Variants in PDE3B observed in about 807,000 individuals in gnomAD.
The protein encoded by PDE3B is phosphodiesterase 3B, also known as cGMP-inhibited 3',5'-cyclic phosphodiesterase 3B.
Under a neutral mutation model 116.8 loss-of-function variants are expected in PDE3B, and 66 were observed. The observed-to-expected ratio is 0.56, with a 90% CI of 0.46 to 0.69. The LOEUF is 0.69. PDE3B is among the 30% of genes least tolerant of loss of function. The pLI is 0.00. For synonymous variants in PDE3B, 595 were observed against 533.6 expected (o/e 1.12, Z -1.59); for missense variants, 1,384 against 1,368.1 (o/e 1.01, Z -0.18).
intron 15 of PDE3B, among the ~76,000 whole-genome samples, chr11:14,868,516 C>G (rs370860862): frequency 4.6e-5 from 7 of 152,130 alleles, no homozygotes; most frequent in African/African-American, 1.7e-4. Context: ...TTTGAGTTAC[C>G]AAACTGTAAT....
chr11:14,880,259 A>T, the PDE3B span: 1 of 1,613,110 alleles, frequency 6.2e-7, no homozygotes, highest in Non-Finnish European at 8.5e-7. Context: ...GAGAAAGTAG[A>T]TGATGGGTCA....
chr11:14,664,947 G>T (rs568516493), intron 1 of PDE3B, among the ~76,000 whole-genome samples: 8 of 151,952 alleles, frequency 5.3e-5, no homozygotes, highest in Admixed American at 6.6e-5. Context: ...TACCAAAGCC[G>T]GGCAGAGACA....
chr11:14,804,070 G>C lies in PDE3B; in HGVS notation c.1522+20G>C, dbSNP rs772859265. 1.5e-6 allele frequency: 2 copies of C among 1,337,358 alleles called. 1 individual carries two copies. The highest frequency in any genetic ancestry group is 3.4e-5 in the Admixed American group (2 of 59,178). 82.8% of individuals were successfully genotyped at this position (1,337,358 alleles called of 1,614,324 possible). ...GAGCTGGTAAGAAATCATTCTTTAT[G>C]ACTCAAATATGGGGGTTCTCAAAGT... On this transcript the variant is annotated intron_variant, in intron 5 of 15. Coordinates refer to ENST00000282096, the MANE Select transcript of PDE3B (RefSeq NM_000922.4).
intron 12 of PDE3B, among the ~76,000 whole-genome samples, chr11:14,853,998 C>T (rs576531164): frequency 1.1e-4 from 17 of 152,242 alleles, no homozygotes; most frequent in Non-Finnish European, 2.4e-4. Context: ...CCCCTTCTTC[C>T]TGAGAATGCA....
intron 1 of PDE3B, among the ~76,000 whole-genome samples, chr11:14,702,189 A>G (rs1276112878): frequency 6.6e-6 from 1 of 151,576 alleles, no homozygotes; most frequent in African/African-American, 2.4e-5. Context: ...TAAAAATTGT[A>G]TTATCATAGT....
intron 12 of PDE3B, among the ~76,000 whole-genome samples, chr11:14,849,444 A>G (rs1389810898): frequency 6.6e-6 from 1 of 152,234 alleles, no homozygotes; most frequent in Non-Finnish European, 1.5e-5. Context: ...CTTCATGTCT[A>G]AAACACCAGA....
At chr11:14,804,195 A>G in intron 5 of PDE3B, 145 bp downstream of exon 5, 2 of 582,214 alleles carry the variant, frequency 3.4e-6, no homozygotes, top group South Asian at 4.6e-5. Flanking sequence ...TGGGTTGGCT[A>G]CTAATTGACC....
the PDE3B span, chr11:14,887,738 G>A: frequency 1.6e-6 from 1 of 633,770 alleles, no homozygotes; most frequent in Non-Finnish European, 2.0e-6. Context: ...CCTTCAAGTG[G>A]TTGAGGCCCA....
At chr11:14,733,619 C>T (rs1431041241) in intron 1 of PDE3B, among the ~76,000 whole-genome samples, 1 of 152,024 alleles carries the variant, frequency 6.6e-6, no homozygotes, top group Non-Finnish European at 1.5e-5. Flanking sequence ...TTTGTTTTTC[C>T]TTCTTGAAAT....
chr11:14,789,693 T>C (rs773978383), intron 4 of PDE3B, among the ~76,000 whole-genome samples: 2 of 152,044 alleles, frequency 1.3e-5, no homozygotes, highest in Non-Finnish European at 2.9e-5. Context: ...CAAATCCTGT[T>C]CCTGCTGGAG....
intron 1 of PDE3B, among the ~76,000 whole-genome samples, chr11:14,750,076 G>A (rs1327051460): frequency 6.6e-6 from 1 of 150,944 alleles, no homozygotes; most frequent in Non-Finnish European, 1.5e-5. Context: ...CAGTGTTGTA[G>A]CTCAAGCTGT....
chr11:14,773,908 C>G (rs1857712063), intron 2 of PDE3B: 1 of 152,196 alleles, frequency 6.6e-6, no homozygotes, highest in Non-Finnish European at 1.5e-5. Flanking sequence ...CTTTGTTTTT[C>G]TCATCACTTT....
downstream of PDE3B, among the ~76,000 whole-genome samples, chr11:14,875,356 C>T (rs1555009577): frequency 2.0e-5 from 3 of 152,086 alleles, no homozygotes. Context: ...CTAACATTGC[C>T]CTCAACCCGT....
At chr11:14,879,193 T>C in the PDE3B span, 1 of 1,613,328 alleles carries the variant, frequency 6.2e-7, no homozygotes, top group Non-Finnish European at 8.5e-7. Context: ...GGAACACTTC[T>C]GGGTCTCTCC....
At chr11:14,693,265 C>T (rs1590066609) in intron 1 of PDE3B, among the ~76,000 whole-genome samples, 1 of 152,176 alleles carries the variant, frequency 6.6e-6, no homozygotes, top group East Asian at 1.9e-4. Context: ...GCAGCAAGTG[C>T]TGATGGAGAA....
At chr11:14,858,511 C>A (rs1471830627) in intron 12 of PDE3B, among the ~76,000 whole-genome samples, 1 of 152,106 alleles carries the variant, frequency 6.6e-6, no homozygotes, top group East Asian at 1.9e-4. Flanking sequence ...CTGTTTTACT[C>A]CCAGGCCCTG....
At chr11:14,819,822 C>G (rs928394746) in intron 7 of PDE3B, among the ~76,000 whole-genome samples, 3 of 151,972 alleles carry the variant, frequency 2.0e-5, no homozygotes, top group Non-Finnish European at 4.4e-5. Flanking sequence ...TGTTGGAAGA[C>G]AGAACTCCAA....
At position 14,806,586 on chromosome 11, in the gene PDE3B, G is replaced by A. The variant is rs71482960; in HGVS notation, c.1522+2536G>A. 8.7e-3 allele frequency among the ~76,000 whole-genome samples: 1,315 copies of A among 151,888 alleles called. 13 individuals are homozygous for A. The highest frequency in any genetic ancestry group is 0.014 in the Non-Finnish European group (947 of 67,948). On this transcript the variant is annotated intron_variant, in intron 5 of 15. Coordinates refer to ENST00000282096, the MANE Select transcript of PDE3B (RefSeq NM_000922.4). Reference sequence around the variant, plus strand: ...GAATAAAGAAAATGTGAGGCCGGGCGCGGTGGCTCATGCCTGTAATCCCAG... The same window carrying A: ...GAATAAAGAAAATGTGAGGCCGGGCACGGTGGCTCATGCCTGTAATCCCAG...
the PDE3B span, among the ~76,000 whole-genome samples, chr11:14,896,273 T>C: frequency 6.6e-6 from 1 of 152,200 alleles, no homozygotes; most frequent in Non-Finnish European, 1.5e-5. Flanking sequence ...GGAAGTTTAG[T>C]GTTCTATCCA....
Sources: allele counts gnomAD v4.1 joint callset (sites outside exome capture counted in the v4.1 genomes callset), GRCh38; gene constraint gnomAD v4.1.1; transcripts MANE v1.5; gene names NCBI Gene and HGNC (gene_info 2026-07-23, HGNC 2026-07-21).